The following GTF3C1 variants were observed in gnomAD, a reference collection of about 807,000 sequenced individuals.
GTF3C1 encodes the protein general transcription factor IIIC subunit 1.
Under a neutral mutation model 226.7 loss-of-function variants are expected in GTF3C1, and 57 were observed. The ratio of observed to expected loss-of-function variants is 0.25; its 90% CI spans 0.20 to 0.31. The LOEUF is 0.31. Ranked by LOEUF, GTF3C1 falls within the 10% of genes least tolerant of loss-of-function variation. GTF3C1 has a pLI of 1.00. For synonymous variants in GTF3C1, 1,090 were observed against 1,084.8 expected, an observed-to-expected ratio of 1.00 and a Z score of -0.09; for missense variants, 2,217 against 2,776.1, an observed-to-expected ratio of 0.80 and a Z score of 4.53.
intron 27 of GTF3C1, among the ~76,000 whole-genome samples, chr16:27,479,847 T>C (rs1374825442): frequency 6.6e-6 from 1 of 152,190 alleles, no homozygotes; most frequent in Admixed American, 6.5e-5. Context: ...CACTTGCAAC[T>C]TTTTCTTCTC....
chr16:27,464,035 C>T (rs994219689), intron 34 of GTF3C1: 1 of 441,564 alleles, frequency 2.3e-6, no homozygotes, highest in Non-Finnish European at 3.9e-6. Context: ...GCCATCACTG[C>T]CCCACAGCAG....
chr16:27,483,311 A>G, intron 25 of GTF3C1, 186 bp from the exon 26 acceptor site: 1 of 684,248 alleles, frequency 1.5e-6, no homozygotes, highest in East Asian at 2.8e-5. Context: ...GCCTGACCTC[A>G]GTCAGGTCTG....
At chr16:27,512,692 G>A (rs1242097385) in intron 6 of GTF3C1, among the ~76,000 whole-genome samples, 1 of 152,196 alleles carries the variant, frequency 6.6e-6, no homozygotes, top group African/African-American at 2.4e-5. Flanking sequence ...ACAAACTTGT[G>A]CCTACGGCTA....
At chr16:27,520,612 T>G (rs975969343) in intron 6 of GTF3C1, among the ~76,000 whole-genome samples, 1 of 152,146 alleles carries the variant, frequency 6.6e-6, no homozygotes, top group African/African-American at 2.4e-5. Context: ...CATGTGGGGG[T>G]TTACAAGGGT....
Position 27,522,568 on chromosome 16 carries a change from T to C in GTF3C1, c.973+6030A>G, listed in dbSNP as rs150997386. 5.2e-3 allele frequency among the ~76,000 whole-genome samples: 795 copies of C among 152,334 alleles called. 6 individuals are homozygous for C. Among genetic ancestry groups the C allele is most frequent in the Non-Finnish European group, 8.7e-3 (590 of 68,022 alleles). ...CCTACTTTGTTCTTCTTTTTCGGGA[T>C]TGTTTTAGCTCTCTGGGTCCCTTTG... On this transcript the variant is annotated intron_variant, in intron 6 of 36. Transcript: ENST00000356183.
intron 8 of GTF3C1, among the ~76,000 whole-genome samples, chr16:27,508,046 G>C (rs1331730431): frequency 6.6e-6 from 1 of 152,262 alleles, no homozygotes; most frequent in African/African-American, 2.4e-5. Context: ...TTTCACTCTT[G>C]TTGCCCAGGT....
At chr16:27,476,369 G>A (rs1000120306) in intron 29 of GTF3C1, 82 bp downstream of exon 29, 13 of 830,698 alleles carry the variant, frequency 1.6e-5, no homozygotes, top group Non-Finnish European at 2.5e-5. Context: ...CCACAGCGGA[G>A]AAGGGCAGGG....
chr16:27,524,256 T>C (rs888157223), intron 6 of GTF3C1, among the ~76,000 whole-genome samples: 4 of 152,256 alleles, frequency 2.6e-5, no homozygotes, highest in Admixed American at 2.0e-4. Context: ...TGTTTCCTAA[T>C]TGTATTTTTA....
chr16:27,515,712 T>C (rs2088647175), intron 6 of GTF3C1, among the ~76,000 whole-genome samples: 1 of 152,200 alleles, frequency 6.6e-6, no homozygotes, highest in African/African-American at 2.4e-5. Context: ...TTACCAAGTA[T>C]GACTCTTTGT....
chr16:27,488,023 C>T (rs1280436511), intron 23 of GTF3C1, among the ~76,000 whole-genome samples: 4 of 152,136 alleles, frequency 2.6e-5, no homozygotes, highest in Non-Finnish European at 5.9e-5. Flanking sequence ...GCAGGGGAAG[C>T]ATACGGGATA....
chr16:27,494,959 T>C (rs2088293881), intron 15 of GTF3C1, 51 bp from the exon 16 acceptor site: 3 of 1,512,564 alleles, frequency 2.0e-6, no homozygotes, highest in African/African-American at 1.4e-5. Flanking sequence ...CCAGTCACCA[T>C]GGTGACACAT....
chr16:27,520,162 A>G (rs1435657869), intron 6 of GTF3C1, among the ~76,000 whole-genome samples: 1 of 152,136 alleles, frequency 6.6e-6, no homozygotes, highest in Non-Finnish European at 1.5e-5. Context: ...TGTCACCCAG[A>G]CTGGAGTGCA....
At chr16:27,482,082 T>C (rs533714037) in intron 26 of GTF3C1, among the ~76,000 whole-genome samples, 2 of 152,256 alleles carry the variant, frequency 1.3e-5, no homozygotes, top group Non-Finnish European at 2.9e-5. Flanking sequence ...TGCCAGGGGC[T>C]CCTGGGAAAG....
chr16:27,469,448 T>C lies in GTF3C1; in HGVS notation c.4917A>G (p.Gln1639=), dbSNP rs764857061. The change falls in exon 32 of 37, where the codon CAA becomes CAG. Residue 1639 remains glutamine (Q), a synonymous_variant. Coordinates refer to ENST00000356183, the MANE Select transcript of GTF3C1 (RefSeq NM_001520.4). This position sits in a 1 kb window ranked among gnomAD's most constrained non-coding sequence, Gnocchi z 4.5. ...KRRSMEVKPA[Q]ASHTNYLLMR... ...TCAGCAGGTAGTTGGTGTGGGAGGC[T>C]TGCGCAGGTTTCACCTCCATGCTCC... The C allele has an allele frequency of 6.2e-7, 1 of 1,614,194 alleles. No homozygotes were observed. The highest frequency in any genetic ancestry group is 1.1e-5 in the South Asian group (1 of 91,080).
intron 5 of GTF3C1, among the ~76,000 whole-genome samples, chr16:27,532,177 T>A (rs1438439073): frequency 6.6e-6 from 1 of 152,186 alleles, no homozygotes; most frequent in African/African-American, 2.4e-5. Context: ...CTAGGTCAAA[T>A]TTATTTTTAA....
intron 12 of GTF3C1, among the ~76,000 whole-genome samples, chr16:27,500,855 C>T (rs529161665): frequency 1.3e-5 from 2 of 152,346 alleles, no homozygotes; most frequent in African/African-American, 4.8e-5. Context: ...ATTCTTGCTG[C>T]TTAGTCTAAA....
intron 5 of GTF3C1, 119 bp downstream of exon 5, chr16:27,533,172 A>G: frequency 5.3e-6 from 3 of 570,488 alleles, no homozygotes; most frequent in East Asian, 5.7e-5. Flanking sequence ...GGAAAATCTC[A>G]TTTGCATCAA....
intron 17 of GTF3C1, 44 bp downstream of exon 17, chr16:27,493,155 T>C (rs1473811144): frequency 3.0e-6 from 3 of 990,000 alleles, no homozygotes; most frequent in Non-Finnish European, 4.9e-6. Flanking sequence ...CTTAAGGGTT[T>C]GTTTGGACCT....
chr16:27,502,093 CA>C (rs566128806), intron 11 of GTF3C1, among the ~76,000 whole-genome samples: 168 of 124,392 alleles, frequency 1.4e-3, no homozygotes, highest in Admixed American at 2.1e-3. Context: ...GACTCCATCT[CA>C]AAAAAAAAAA....
Sources: gnomAD v4.1 joint callset for allele counts (sites outside exome capture counted in the v4.1 genomes callset) on GRCh38, gnomAD v4.1.1 for gene constraint, Gnocchi (gnomAD v3.1) non-coding constraint, MANE v1.5 for transcripts, NCBI Gene and HGNC (gene_info 2026-07-23, HGNC 2026-07-21) for gene names.